Variants in TVP23A observed in about 807,000 individuals in gnomAD.
TVP23A encodes Golgi apparatus membrane protein TVP23 homolog A.
In TVP23A, 21 loss-of-function variants were observed where a neutral mutation model predicts 31.7. That is an observed-to-expected ratio of 0.66 (90% CI 0.47 to 0.95). The LOEUF is 0.95. Among genes scored for constraint, TVP23A ranks in the 40% least tolerant of loss-of-function variants. The pLI, the probability that TVP23A is intolerant of heterozygous loss-of-function variation, is 0.00. For missense variants in TVP23A, 279 were observed against 255.6 expected, an observed-to-expected ratio of 1.09 and a Z score of -0.62; for synonymous variants, 104 against 96.0, an observed-to-expected ratio of 1.08 and a Z score of -0.49.
chr16:10,793,901 CAAAAAAAAAAAA>C lies in TVP23A; in HGVS notation c.90-18817_90-18806del, dbSNP rs61392688. On this transcript the variant is annotated intron_variant, in intron 2 of 7. Transcript: ENST00000299866. ...GTGACAGAGTGAGACCCTGTCTCAC[CAAAAAAAAAAAA>C]AAAAAAAAAAAAAAAAAAAAGTATT... Among the ~76,000 whole-genome samples, 217 of 39,180 alleles carry C rather than the reference CAAAAAAAAAAAA, an allele frequency of 5.5e-3. 2 individuals carry two copies. Among genetic ancestry groups the C allele is most frequent in the African/African-American group, 0.016 (182 of 11,328 alleles). 25.7% of individuals were successfully genotyped at this position (39,180 alleles called of 152,430 possible).
chr16:10,773,362 C>G lies in TVP23A; in HGVS notation c.404G>C (p.Trp135Ser). The G allele has an allele frequency of 2.5e-6, 4 of 1,611,942 alleles. No individual in the cohort carries two copies. Among genetic ancestry groups the G allele is most frequent in the Non-Finnish European group, 2.5e-6 (3 of 1,179,448 alleles). ...WLGLIICPMI[W>S]IVFFFSTLFS... is the part of the protein sequence containing the mutation. Reference sequence around the variant, plus strand: ...TAAGGTGCTAAAAAAAAACACAATCCATATCATGGGGCAGATTATGAGGCC... The same window carrying G: ...TAAGGTGCTAAAAAAAAACACAATCGATATCATGGGGCAGATTATGAGGCC... Residue 135 changes from tryptophan (W) to serine (S), a missense_variant, in exon 5 of 8, where the codon TGG (tryptophan) becomes TCG (serine). By Grantham distance (177) the Trp-to-Ser change is radical (BLOSUM62 -3). Coordinates refer to ENST00000299866, the MANE Select transcript of TVP23A (RefSeq NM_001079512.4).
chr16:10,816,832 C>G (rs2034460294), intron 2 of TVP23A, among the ~76,000 whole-genome samples: 1 of 151,402 alleles, frequency 6.6e-6, no homozygotes, highest in Non-Finnish European at 1.5e-5. Context: ...ATGTAACGAA[C>G]CTTCACGTTG....
rs998258672 is a variant in TVP23A, at chr16:10,777,077, C to T, written c.90-1981G>A. 1.4e-4 allele frequency among the ~76,000 whole-genome samples: 22 copies of T among 152,134 alleles called. No homozygotes were observed. Among genetic ancestry groups the T allele is most frequent in the Admixed American group, 2.6e-4 (4 of 15,250 alleles). On this transcript the variant is annotated intron_variant, in intron 2 of 7. Transcript: ENST00000299866. This position sits in a 1 kb window ranked among gnomAD's most constrained non-coding sequence, Gnocchi z 4.5. ...AATGCAGCCCAGTAGGTCTCAGCCT[C>T]GTTTTACCCAGCCCCTATTCAAGAT...
chr16:10,806,259 C>T (rs535535403), intron 2 of TVP23A, among the ~76,000 whole-genome samples: 1 of 152,288 alleles, frequency 6.6e-6, no homozygotes, highest in Admixed American at 6.5e-5. Flanking sequence ...AGAAGAATCA[C>T]TTGAACCTGT....
exon 9 of TVP23A, chr16:10,761,411 G>T: frequency 6.2e-7 from 1 of 1,614,156 alleles, no homozygotes; most frequent in Non-Finnish European, 8.5e-7. Context: ...TCTGCCGCAA[G>T]GTGAAGCTGC....
rs753266779 is a variant in TVP23A, at chr16:10,775,073, T to C, written c.113A>G (p.His38Arg). ...KIRHPLATFF[H>R]LFFRVSAIVT... ...GATGGCACTCACTCGGAAAAACAGG[T>C]GGAAAAAGGTGGCCAAGGGGTGTCT... is the stretch of plus-strand genomic sequence containing the variant. Residue 38 changes from histidine to arginine, a missense_variant, in exon 3 of 8, where the codon CAC becomes CGC. Physicochemically the swap from His to Arg is conservative, Grantham distance 29 (BLOSUM62 0). Transcript: ENST00000299866. 5 of 1,609,308 alleles carry C rather than the reference T, an allele frequency of 3.1e-6. No individual in the cohort carries two copies. The Admixed American group carries it at 5.1e-5, about 16-fold the overall frequency.
intron 2 of TVP23A, among the ~76,000 whole-genome samples, chr16:10,810,602 A>T (rs73497758): frequency 4.1e-4 from 63 of 152,170 alleles, no homozygotes; most frequent in African/African-American, 1.4e-3. Flanking sequence ...TCCCTTCCCA[A>T]TCTGGATGGG....
chr16:10,780,200 C>G (rs911645576), intron 2 of TVP23A, among the ~76,000 whole-genome samples: 4 of 152,108 alleles, frequency 2.6e-5, no homozygotes, highest in African/African-American at 4.8e-5. Flanking sequence ...CCTCTGGAGC[C>G]TCAGTAAATT....
chr16:10,758,343 C>T (rs775425082), downstream of TVP23A, among the ~76,000 whole-genome samples: 2 of 152,106 alleles, frequency 1.3e-5, no homozygotes, highest in Admixed American at 6.5e-5. Flanking sequence ...CATGGTGGCT[C>T]GCGCCTGTAG....
At chr16:10,810,104 T>C (rs539999579) in intron 2 of TVP23A, among the ~76,000 whole-genome samples, 67 of 151,754 alleles carry the variant, frequency 4.4e-4, no homozygotes, top group African/African-American at 1.5e-3. Context: ...ACCTGGAAAA[T>C]ATGCTAAGTG....
chr16:10,769,126 C>T (rs1394773842), intron 7 of TVP23A, 25 bp from the exon 8 acceptor site: 1 of 1,612,006 alleles, frequency 6.2e-7, no homozygotes, highest in Non-Finnish European at 8.5e-7. Context: ...TGTTCAGGAC[C>T]AAGCAGTTAC....
intron 2 of TVP23A, among the ~76,000 whole-genome samples, chr16:10,805,409 G>A (rs961845986): frequency 2.0e-5 from 3 of 151,840 alleles, no homozygotes; most frequent in African/African-American, 7.3e-5. Flanking sequence ...GAGCATACCG[G>A]AGGCTTGGAG....
Position 10,779,949 on chromosome 16 carries a change from G to A in TVP23A, c.90-4853C>T, listed in dbSNP as rs1165692285. On this transcript the variant is annotated intron_variant, in intron 2 of 7. Coordinates refer to ENST00000299866, the MANE Select transcript of TVP23A (RefSeq NM_001079512.4). The surrounding 1 kb of genome is among the most constrained non-coding windows in gnomAD (Gnocchi z 4.9). Reference sequence around the variant, plus strand: ...AATAAAAATACAAAAATTAGCGGGTGTGGTGGTGCACGCCTATAATTCCAG... The same window carrying A: ...AATAAAAATACAAAAATTAGCGGGTATGGTGGTGCACGCCTATAATTCCAG... 1.3e-5 allele frequency among the ~76,000 whole-genome samples: 2 copies of A among 152,076 alleles called. No homozygotes were observed. The highest frequency in any genetic ancestry group is 2.9e-5 in the Non-Finnish European group (2 of 68,014).
At position 10,815,086 on chromosome 16, in the gene TVP23A, C is replaced by G. The variant is rs151006374; in HGVS notation, c.89+3017G>C. Among the ~76,000 whole-genome samples, 291 of 152,252 alleles carry G rather than the reference C, an allele frequency of 1.9e-3. 1 individual carries two copies. In the Middle Eastern group the frequency reaches 0.027, roughly 14 times the overall value. On this transcript the variant is annotated intron_variant, in intron 2 of 7. Coordinates refer to ENST00000299866, the MANE Select transcript of TVP23A (RefSeq NM_001079512.4). ...ATAGGAGCCCCAGCTTCTGCCTATC[C>G]CAGCGTTTAAAATACTGAGTTCTGG...
At chr16:10,774,231 G>A in intron 3 of TVP23A, 103 bp from the exon 4 acceptor site, 1 of 793,290 alleles carries the variant, frequency 1.3e-6, no homozygotes, top group Non-Finnish European at 1.9e-6. Context: ...ACTTGTACTG[G>A]GAGCAGGAAG....
chr16:10,799,115 C>T (rs922121318), intron 2 of TVP23A, among the ~76,000 whole-genome samples: 1 of 152,232 alleles, frequency 6.6e-6, no homozygotes, highest in Non-Finnish European at 1.5e-5. Context: ...GGACACAGCT[C>T]CTCCTGCCCC....
At position 10,777,487 on chromosome 16, in the gene TVP23A, C is replaced by G. The variant is rs995175447; in HGVS notation, c.90-2391G>C. On this transcript the variant is annotated intron_variant, in intron 2 of 7. Transcript: ENST00000299866. The surrounding 1 kb of genome is among the most constrained non-coding windows in gnomAD (Gnocchi z 4.5). ...AGGGGAAAGCGCCTGCTCATTCTCCCCAAGAAGAAACGGAGTCCGAGTCAA... is the reference window on the plus strand; with the variant it reads ...AGGGGAAAGCGCCTGCTCATTCTCCGCAAGAAGAAACGGAGTCCGAGTCAA... 2.6e-5 allele frequency among the ~76,000 whole-genome samples: 4 copies of G among 152,050 alleles called. No homozygotes were observed. Among genetic ancestry groups the G allele is most frequent in the Non-Finnish European group, 5.9e-5 (4 of 68,010 alleles).
intron 2 of TVP23A, among the ~76,000 whole-genome samples, chr16:10,788,384 C>T (rs946277697): frequency 2.6e-5 from 4 of 152,094 alleles, no homozygotes; most frequent in South Asian, 4.1e-4. Flanking sequence ...AAGCGATTCT[C>T]CTGCCTCAGC....
downstream of TVP23A, among the ~76,000 whole-genome samples, chr16:10,765,679 C>G (rs1181042823): frequency 6.6e-6 from 1 of 152,226 alleles, no homozygotes; most frequent in Non-Finnish European, 1.5e-5. The surrounding 1 kb of genome is among the most constrained non-coding windows in gnomAD (Gnocchi z 4.0). Context: ...TCCCACCTCC[C>G]TCACACCAAG....
Sources: allele counts gnomAD v4.1 joint callset (sites outside exome capture counted in the v4.1 genomes callset), GRCh38; gene constraint gnomAD v4.1.1; non-coding constraint Gnocchi (gnomAD v3.1); transcripts MANE v1.5; gene names NCBI Gene and HGNC (gene_info 2026-07-23, HGNC 2026-07-21).